Variants in SLC35D2 observed in about 807,000 individuals in gnomAD.
SLC35D2 encodes nucleotide sugar transporter SLC35D2.
Under a neutral mutation model 41.8 loss-of-function variants are expected in SLC35D2, and 43 were observed. That is an observed-to-expected ratio of 1.03 (90% CI 0.81 to 1.33). The LOEUF is 1.33. Ranked by LOEUF, SLC35D2 falls within the 40% of genes most tolerant of loss-of-function variation. The pLI, the probability that SLC35D2 is intolerant of heterozygous loss-of-function variation, is 0.00. For synonymous variants in SLC35D2, 150 were observed against 163.9 expected (o/e 0.92, Z 0.65); for missense variants, 380 against 408.4 (o/e 0.93, Z 0.60).
rs373159526 is a variant in SLC35D2, at chr9:96,381,680, G to A, written c.158+1797C>T. 2.0e-5 allele frequency among the ~76,000 whole-genome samples: 3 copies of A among 152,196 alleles called. No homozygotes were observed. The South Asian group carries it at 6.2e-4, about 32-fold the overall frequency. ...GTCCACAAGGATGCAGCTCCGTGAA[G>A]TTAAGGATTCTGATCTGCTCTTTTC... On this transcript the variant is annotated intron_variant, in intron 1 of 11. Transcript: ENST00000253270.
chr9:96,351,084 A>C lies in SLC35D2; in HGVS notation c.488+19T>G. On this transcript the variant is annotated intron_variant, in intron 6 of 11. Transcript: ENST00000253270. ...AAGACACAAAGAAGTTATTGAGCAG[A>C]AACAGTCCAAAGTCTTACCCAGCTG... is the stretch of plus-strand genomic sequence containing the variant. The C allele has an allele frequency of 1.1e-5, 17 of 1,585,346 alleles. No homozygotes were observed. The highest frequency in any genetic ancestry group is 1.4e-5 in the Non-Finnish European group (16 of 1,153,980).
At chr9:96,318,439 CAG>C (rs1167537269), downstream of SLC35D2, among the ~76,000 whole-genome samples, 1 of 151,890 alleles carries the variant, frequency 6.6e-6, no homozygotes, top group Non-Finnish European at 1.5e-5. Context: ...GCCTGGGAGA[CAG>C]AGTGAGACTC....
intron 1 of SLC35D2, among the ~76,000 whole-genome samples, chr9:96,372,667 C>G (rs1278838200): frequency 7.0e-6 from 1 of 142,934 alleles, no homozygotes; most frequent in East Asian, 2.0e-4. Context: ...TCACTGCAAC[C>G]TTCGCCTCCC....
chr9:96,331,561 A>G (rs2130862980), intron 9 of SLC35D2, among the ~76,000 whole-genome samples: 1 of 152,122 alleles, frequency 6.6e-6, no homozygotes, highest in East Asian at 1.9e-4. Flanking sequence ...AAGTCTTCAA[A>G]ATTCTCCTTG....
intron 8 of SLC35D2, among the ~76,000 whole-genome samples, chr9:96,338,555 C>A (rs1372469594): frequency 5.3e-3 from 614 of 115,380 alleles, no homozygotes; most frequent in African/African-American, 5.7e-3. Flanking sequence ...GACCCTGTCT[C>A]AAAAAAAAAA....
downstream of SLC35D2, among the ~76,000 whole-genome samples, chr9:96,318,984 A>C (rs949910611): frequency 1.3e-5 from 2 of 152,168 alleles, no homozygotes; most frequent in African/African-American, 4.8e-5. Context: ...AAAAATAGAA[A>C]GACCACAGGA....
intron 6 of SLC35D2, among the ~76,000 whole-genome samples, chr9:96,349,726 A>G (rs1829732440): frequency 6.6e-6 from 1 of 152,110 alleles, no homozygotes; most frequent in African/African-American, 2.4e-5. Flanking sequence ...GGGTTTTGCC[A>G]TGTTGGCCAG....
exon 12 of SLC35D2, chr9:96,314,145 G>A (rs903995225): frequency 6.6e-6 from 1 of 152,358 alleles, no homozygotes; most frequent in Admixed American, 6.5e-5. Flanking sequence ...CAGCTACTTA[G>A]GAGGCTGAGG....
chr9:96,361,868 C>T (rs936331361), intron 3 of SLC35D2, among the ~76,000 whole-genome samples: 2 of 152,154 alleles, frequency 1.3e-5, no homozygotes, highest in Non-Finnish European at 2.9e-5. Flanking sequence ...GGACTTCCAG[C>T]CTCCAGAACT....
downstream of SLC35D2, among the ~76,000 whole-genome samples, chr9:96,319,491 A>AAACTT (rs1828137947): frequency 7.2e-6 from 1 of 139,072 alleles, no homozygotes; most frequent in Non-Finnish European, 1.5e-5. Context: ...TCTGTTATGT[A>AAACTT]TTTTACCACA....
chr9:96,339,636 T>C (rs903235888), intron 8 of SLC35D2, among the ~76,000 whole-genome samples: 1 of 152,198 alleles, frequency 6.6e-6, no homozygotes, highest in Non-Finnish European at 1.5e-5. Flanking sequence ...TCAGGGTTTT[T>C]TAATCAGGGA....
chr9:96,324,549 C>CTTTTTTTTTTTTTTTTTTTTTTTT lies in SLC35D2; in HGVS notation c.753-381_753-380insAAAAAAAAAAAAAAAAAAAAAAAA, dbSNP rs57775451. Among the ~76,000 whole-genome samples, 632 of 117,530 alleles carry CTTTTTTTTTTTTTTTTTTTTTTTT rather than the reference C, an allele frequency of 5.4e-3. 29 individuals are homozygous for CTTTTTTTTTTTTTTTTTTTTTTTT. Among genetic ancestry groups the CTTTTTTTTTTTTTTTTTTTTTTTT allele is most frequent in the Admixed American group, 0.01 (102 of 9,820 alleles). 77.1% of individuals were successfully genotyped at this position (117,530 alleles called of 152,430 possible). A position where few individuals can be genotyped will look rare whatever the true frequency, so the allele number is the denominator to read the frequency against. On this transcript the variant is annotated intron_variant, in intron 9 of 11. Transcript: ENST00000253270. ...CTGTGCCTCAGAATCGCCTGCTGCA[C>CTTTTTTTTTTTTTTTTTTTTTTTT]TTTTTTTTTTTTTTTTTGGTGGGGA...
intron 8 of SLC35D2, among the ~76,000 whole-genome samples, chr9:96,340,706 C>T (rs1051996080): frequency 1.5e-4 from 23 of 148,812 alleles, no homozygotes; most frequent in African/African-American, 5.4e-4. Flanking sequence ...TTATAGAAGG[C>T]CTTTTATTAT....
At chr9:96,324,213 T>C in intron 9 of SLC35D2, 44 bp from the exon 10 acceptor site, 1 of 1,544,602 alleles carries the variant, frequency 6.5e-7, no homozygotes. Context: ...CTCACTACGC[T>C]GGGTAATGAC....
intron 9 of SLC35D2, among the ~76,000 whole-genome samples, chr9:96,335,491 C>G (rs1019259467): frequency 1.3e-5 from 2 of 152,154 alleles, no homozygotes; most frequent in African/African-American, 4.8e-5. Context: ...TCCTGAGTAC[C>G]TGGGACAACA....
rs1405433972 is a variant in SLC35D2 at position 96,351,001 on chromosome 9, A to G, written c.488+102T>C. ...AACAGATTTGTCTCTTGCCTGCTCAATTCAACAGCAGCCAGATGGAAAATG... is the reference window on the plus strand; with the variant it reads ...AACAGATTTGTCTCTTGCCTGCTCAGTTCAACAGCAGCCAGATGGAAAATG... On this transcript the variant is annotated intron_variant, in intron 6 of 11. Transcript: ENST00000253270. 10 of 896,162 alleles carry G rather than the reference A, an allele frequency of 1.1e-5. No individual in the cohort carries two copies. In the East Asian group the frequency reaches 1.9e-4, roughly 17 times the overall value. The allele number at this position is 896,162 out of a possible 1,614,324, so 55.5% of individuals were successfully genotyped here.
At chr9:96,341,893 G>A (rs1829338351) in intron 8 of SLC35D2, among the ~76,000 whole-genome samples, 1 of 151,350 alleles carries the variant, frequency 6.6e-6, no homozygotes, top group African/African-American at 2.4e-5. Flanking sequence ...TAGCCCCAGT[G>A]AGATGTTTTA....
intron 8 of SLC35D2, among the ~76,000 whole-genome samples, chr9:96,338,428 C>T (rs1829152062): frequency 6.6e-6 from 1 of 151,928 alleles, no homozygotes; most frequent in Non-Finnish European, 1.5e-5. Context: ...GTGGTGTGCA[C>T]ACTTGTAGTC....
At chr9:96,342,058 G>A (rs1320964708) in intron 8 of SLC35D2, among the ~76,000 whole-genome samples, 1 of 151,172 alleles carries the variant, frequency 6.6e-6, no homozygotes, top group Non-Finnish European at 1.5e-5. Flanking sequence ...AATAATGAAA[G>A]GAGACAAGCC....
Sources: gnomAD v4.1 joint callset for allele counts (sites outside exome capture counted in the v4.1 genomes callset) on GRCh38, gnomAD v4.1.1 for gene constraint, MANE v1.5 for transcripts, NCBI Gene and HGNC (gene_info 2026-07-23, HGNC 2026-07-21) for gene names.